SECTM1: variants seen among roughly 807,000 people sequenced by gnomAD.
The protein encoded by SECTM1 is secreted and transmembrane 1, also known as secreted and transmembrane protein 1.
A neutral mutation model predicts 18.1 loss-of-function variants in SECTM1; 10 were observed. That is an observed-to-expected ratio of 0.55 (90% CI 0.34 to 0.94). The LOEUF is 0.94. Among genes scored for constraint, SECTM1 ranks in the 40% least tolerant of loss-of-function variants. SECTM1 has a pLI of 0.02. For missense variants in SECTM1, 297 were observed against 322.6 expected (o/e 0.92, Z 0.61); for synonymous variants, 137 against 139.2 (o/e 0.98, Z 0.11).
At chr17:82,323,201 G>C (rs944436669) in intron 3 of SECTM1, 190 bp from the exon 4 acceptor site, 5 of 619,178 alleles carry the variant, frequency 8.1e-6, no homozygotes, top group Non-Finnish European at 1.4e-5. Flanking sequence ...CGCAGGACCA[G>C]AGGTGGAAGG....
rs5822518 is a variant in SECTM1, at chr17:82,325,102, A to ATGTG, written c.95-216_95-213dup. ...AAGACGGGTGGCTCTGTGTGTGTGT[A>ATGTG]TGTGTGTGTGTGTGCGTGCTCACAC... is the stretch of plus-strand genomic sequence containing the variant. On this transcript the variant is annotated intron_variant, in intron 2 of 4. Coordinates refer to ENST00000269389, the MANE Select transcript of SECTM1 (RefSeq NM_003004.3). This position sits in a 1 kb window ranked among gnomAD's most constrained non-coding sequence, Gnocchi z 7.6. Among the ~76,000 whole-genome samples the ATGTG allele has an allele frequency of 1.3e-5, 2 of 151,608 alleles. No individual in the cohort carries two copies. Among genetic ancestry groups the ATGTG allele is most frequent in the Non-Finnish European group, 2.9e-5 (2 of 67,810 alleles).
In SECTM1 at chr17:82,325,021, C is replaced by T; in HGVS notation, c.95-131G>A. 2 of 763,020 alleles carry T rather than the reference C, an allele frequency of 2.6e-6. No individual in the cohort carries two copies. The highest frequency in any genetic ancestry group is 4.1e-6 in the Non-Finnish European group (2 of 482,536). 47.3% of individuals were successfully genotyped at this position (763,020 alleles called of 1,614,324 possible). A position where few individuals can be genotyped will look rare whatever the true frequency, so the allele number is the denominator to read the frequency against. On this transcript the variant is annotated intron_variant, in intron 2 of 4. Coordinates refer to ENST00000269389, the MANE Select transcript of SECTM1 (RefSeq NM_003004.3). The surrounding 1 kb of genome is among the most constrained non-coding windows in gnomAD (Gnocchi z 7.6). The stretch of plus-strand genomic sequence containing the variant: ...GGACACAGTGAACTATGTATACATC[C>T]ACCCGACCCAATCAGCACATATATC...
intron 4 of SECTM1, among the ~76,000 whole-genome samples, chr17:82,322,594 G>A (rs750868721): frequency 7.2e-5 from 11 of 152,130 alleles, no homozygotes; most frequent in South Asian, 6.2e-4. Context: ...TCCAAGTTCC[G>A]TCCCTGATGG....
intron 1 of SECTM1, among the ~76,000 whole-genome samples, chr17:82,331,695 C>G (rs117050988): frequency 5.3e-5 from 8 of 152,352 alleles, no homozygotes; most frequent in Admixed American, 1.3e-4. Context: ...CACGCAGTGG[C>G]TAAAAATCAG....
At chr17:82,324,512 CCCA>C in intron 3 of SECTM1, 67 bp downstream of exon 3, 4 of 642,298 alleles carry the variant, frequency 6.2e-6, no homozygotes, top group Non-Finnish European at 7.1e-6. Context: ...CCTCCCCCTG[CCCA>C]GGCCCCCTCC....
chr17:82,324,568 G>T lies in SECTM1; in HGVS notation c.403+14C>A, dbSNP rs760985848. 1 of 752,488 alleles carries T rather than the reference G, an allele frequency of 1.3e-6. No homozygotes were observed. Among genetic ancestry groups the T allele is most frequent in the Non-Finnish European group, 1.7e-6 (1 of 596,086 alleles). The allele number at this position is 752,488 out of a possible 1,614,324, so 46.6% of individuals were successfully genotyped here. A position where few individuals can be genotyped will look rare whatever the true frequency, so the allele number is the denominator to read the frequency against. On this transcript the variant is annotated intron_variant, in intron 3 of 4. Coordinates refer to ENST00000269389, the MANE Select transcript of SECTM1 (RefSeq NM_003004.3). ...TCACTCCCCTCCCCCTTGCTTCCCC[G>T]AGCCTCCCCTCACCTGAAACCTCCA...
chr17:82,322,869 G>GCCT lies in SECTM1; in HGVS notation c.537+6_537+8dup, dbSNP rs752942015. 11 of 1,613,216 alleles carry GCCT rather than the reference G, an allele frequency of 6.8e-6. No homozygotes were observed. The African/African-American group carries it at 1.5e-4, about 22-fold the overall frequency. On this transcript the variant is annotated intron_variant, in intron 4 of 4. Coordinates refer to ENST00000269389, the MANE Select transcript of SECTM1 (RefSeq NM_003004.3). ...CACCCCGCACAAACTGGGGTGCAGG[G>GCCT]CCTCCTACCTCCCGGCGTTGCTGGG...
chr17:82,331,815 T>C (rs909506142), intron 1 of SECTM1, among the ~76,000 whole-genome samples: 1 of 152,154 alleles, frequency 6.6e-6, no homozygotes, highest in Non-Finnish European at 1.5e-5. Context: ...GGAGACCAGG[T>C]ACAGGGAGAC....
In SECTM1 at chr17:82,330,190, C is replaced by T. The variant is rs112281698; in HGVS notation, c.-52-2898G>A. Among the ~76,000 whole-genome samples the T allele has an allele frequency of 0.06, 9,125 of 152,226 alleles. 391 individuals are homozygous for T. Among genetic ancestry groups the T allele is most frequent in the African/African-American group, 0.11 (4,755 of 41,532 alleles). On this transcript the variant is annotated intron_variant, in intron 1 of 4. Coordinates refer to ENST00000269389, the MANE Select transcript of SECTM1 (RefSeq NM_003004.3). The surrounding 1 kb of genome is among the most constrained non-coding windows in gnomAD (Gnocchi z 6.1). ...CGTGCAGATGGACAGCAGGGAGGGTCGGGGCTGCTGGGGGCTCCCCCACTG... is the reference window on the plus strand; with the variant it reads ...CGTGCAGATGGACAGCAGGGAGGGTTGGGGCTGCTGGGGGCTCCCCCACTG...
Position 82,321,738 on chromosome 17 carries a change from GC to G in SECTM1, c.*422del, listed in dbSNP as rs563266510. On this transcript the variant is annotated 3_prime_UTR_variant, in exon 5 of 5. Transcript: ENST00000269389. ...GCCAAGGGACAGGTATGTGGCCAAG[GC>G]CCCCCACAGCCCTGAACTGGAGTGT... is the stretch of plus-strand genomic sequence containing the variant. 28 of 177,330 alleles carry G rather than the reference GC, an allele frequency of 1.6e-4. 1 individual carries two copies. In the South Asian group the frequency reaches 2.4e-3, roughly 15 times the overall value. 11.0% of individuals were successfully genotyped at this position (177,330 alleles called of 1,614,324 possible).
rs1158446610 is a variant in SECTM1 at position 82,330,759 on chromosome 17, T to C, written c.-53+2941A>G. Among the ~76,000 whole-genome samples the C allele has an allele frequency of 6.6e-6, 1 of 152,016 alleles. No homozygotes were observed. The highest frequency in any genetic ancestry group is 1.5e-5 in the Non-Finnish European group (1 of 67,960). ...GGGTGGACCCTGCAGTGCTGGCTCC[T>C]AGCCTCCCTGCCGATTGCTTCCTGA... On this transcript the variant is annotated intron_variant, in intron 1 of 4. Transcript: ENST00000269389. This position sits in a 1 kb window ranked among gnomAD's most constrained non-coding sequence, Gnocchi z 6.1.
intron 4 of SECTM1, 144 bp downstream of exon 4, chr17:82,322,734 C>T (rs1290622713): frequency 4.7e-6 from 5 of 1,058,500 alleles, no homozygotes; most frequent in East Asian, 2.6e-5. Flanking sequence ...GGGCCCCTGG[C>T]GGGGACTGGC....
At position 82,324,718 on chromosome 17, in the gene SECTM1, G is replaced by A. The variant is rs373351625; in HGVS notation, c.267C>T (p.Asp89=). 3.4e-5 allele frequency: 55 copies of A among 1,614,044 alleles called. No individual in the cohort carries two copies. The highest frequency in any genetic ancestry group is 3.3e-4 in the Middle Eastern group (2 of 6,084). The change falls in exon 3 of 5, where the codon GAC becomes GAT. Residue 89 remains aspartate, a synonymous_variant. Coordinates refer to ENST00000269389, the MANE Select transcript of SECTM1 (RefSeq NM_003004.3). The part of the protein sequence containing the change: ...NEVAPGYFSR[D]GWQLQVQGGV... ...CTCCCTGAACCTGGAGCTGCCAGCC[G>A]TCCCGGGAGAAGTAGCCTGGAGCCA...
intron 1 of SECTM1, 132 bp from the exon 2 acceptor site, chr17:82,327,424 G>A (rs561513799): frequency 6.9e-5 from 41 of 589,952 alleles, no homozygotes; most frequent in Non-Finnish European, 1.2e-4. Context: ...CTGGATGCTG[G>A]AGCCCCTGCC....
At position 82,321,955 on chromosome 17, in the gene SECTM1, T is replaced by G; in HGVS notation, c.*206A>C. ...TGCTGCGGAGGTGAGGTGGTTCCAT[T>G]TTGGAAACTGAGGAAGCAGAGCTTG... On this transcript the variant is annotated 3_prime_UTR_variant, in exon 5 of 5. Coordinates refer to ENST00000269389, the MANE Select transcript of SECTM1 (RefSeq NM_003004.3). 1.7e-6 allele frequency: 1 copy of G among 573,522 alleles called. No homozygotes were observed. The highest frequency in any genetic ancestry group is 3.1e-6 in the Non-Finnish European group (1 of 322,900). The allele number at this position is 573,522 out of a possible 1,614,324, so 35.5% of individuals were successfully genotyped here. A position where few individuals can be genotyped will look rare whatever the true frequency, so the allele number is the denominator to read the frequency against.
intron 3 of SECTM1, among the ~76,000 whole-genome samples, 174 bp downstream of exon 3, chr17:82,324,408 G>A (rs1008568573): frequency 2.6e-5 from 4 of 151,916 alleles, no homozygotes; most frequent in African/African-American, 9.7e-5. Context: ...GAGGTCAAGA[G>A]GCCTCCACCC....
rs750196181 is a variant in SECTM1 at position 82,324,693 on chromosome 17, CT to C, written c.291del (p.Gly98AlafsTer6). 6.2e-7 allele frequency: 1 copy of C among 1,614,166 alleles called. No homozygotes were observed. Among genetic ancestry groups the C allele is most frequent in the South Asian group, 1.1e-5 (1 of 91,086 alleles). ...CCTTTGATCACCAGCTGTGCCACGCCTCCCTGAACCTGGAGCTGCCAGCCGT... is the reference window on the plus strand; with the variant it reads ...CCTTTGATCACCAGCTGTGCCACGCCCCCTGAACCTGGAGCTGCCAGCCGT... ...SRDGWQLQVQ[G>X]GVAQLVIKGA... On this transcript the variant is annotated frameshift_variant, in exon 3 of 5. Transcript: ENST00000269389. LOFTEE classifies it high-confidence loss of function.
In SECTM1 at chr17:82,325,132, G is replaced by A. The variant is rs371715757; in HGVS notation, c.95-242C>T. 2.0e-5 allele frequency among the ~76,000 whole-genome samples: 3 copies of A among 152,332 alleles called. No individual in the cohort carries two copies. The highest frequency in any genetic ancestry group is 7.2e-5 in the African/African-American group (3 of 41,578). On this transcript the variant is annotated intron_variant, in intron 2 of 4. Transcript: ENST00000269389. This position sits in a 1 kb window ranked among gnomAD's most constrained non-coding sequence, Gnocchi z 7.6. ...TGTGTGTGTGCGTGCTCACACCCAC[G>A]TCTGTTCCTTGGGGTGTGTCAGCTT... is the stretch of plus-strand genomic sequence containing the variant.
Position 82,325,543 on chromosome 17 carries a change from C to T in SECTM1, c.95-653G>A, listed in dbSNP as rs937849914. 3.9e-5 allele frequency among the ~76,000 whole-genome samples: 6 copies of T among 152,356 alleles called. No homozygotes were observed. In the South Asian group the frequency reaches 1.2e-3, roughly 32 times the overall value. On this transcript the variant is annotated intron_variant, in intron 2 of 4. Transcript: ENST00000269389. The surrounding 1 kb of genome is among the most constrained non-coding windows in gnomAD (Gnocchi z 7.6). ...TCAGCTCCAGGTTGCTGGGCCAGCTCCATACACAGCTCCACAGTCCTGGGA... is the reference window on the plus strand; with the variant it reads ...TCAGCTCCAGGTTGCTGGGCCAGCTTCATACACAGCTCCACAGTCCTGGGA...
Sources: gnomAD v4.1 joint callset for allele counts (sites outside exome capture counted in the v4.1 genomes callset) on GRCh38, gnomAD v4.1.1 for gene constraint, Gnocchi (gnomAD v3.1) non-coding constraint, MANE v1.5 for transcripts, NCBI Gene and HGNC (gene_info 2026-07-23, HGNC 2026-07-21) for gene names.